ANO4: variants seen among roughly 807,000 people sequenced by gnomAD.
ANO4 encodes anoctamin-4.
A neutral mutation model predicts 141.9 loss-of-function variants in ANO4; 69 were observed. The observed-to-expected ratio is 0.49, with a 90% CI of 0.40 to 0.59. ANO4 has a LOEUF of 0.59. Ranked by LOEUF, ANO4 falls within the 20% of genes least tolerant of loss-of-function variation. The probability of loss-of-function intolerance (pLI) is 0.00; values close to 1 mark genes in which losing one functional copy is unlikely to be tolerated. For synonymous variants in ANO4, 350 were observed against 394.3 expected, an observed-to-expected ratio of 0.89 and a Z score of 1.33; for missense variants, 894 against 1,162.2, an observed-to-expected ratio of 0.77 and a Z score of 3.36.
chr12:100,770,175 C>A (rs1285371636), intron 3 of ANO4, among the ~76,000 whole-genome samples: 1 of 152,186 alleles, frequency 6.6e-6, no homozygotes, highest in Admixed American at 6.5e-5. Context: ...ATGTTTTAGC[C>A]AGTGTCAGTG....
At chr12:100,843,128 ACAC>A (rs1351023090) in intron 1 of ANO4, among the ~76,000 whole-genome samples, 2 of 152,230 alleles carry the variant, frequency 1.3e-5, no homozygotes, top group African/African-American at 4.8e-5. Context: ...TTCAAGTCCA[ACAC>A]CACCGCTTAC....
At chr12:100,778,044 C>T (rs1029330679) in intron 3 of ANO4, among the ~76,000 whole-genome samples, 8 of 151,710 alleles carry the variant, frequency 5.3e-5, no homozygotes, top group African/African-American at 1.5e-4. Context: ...CTCAGCCTCC[C>T]GAGTAGCTGG....
intron 17 of ANO4, among the ~76,000 whole-genome samples, chr12:101,091,370 C>A (rs2049766813): frequency 6.6e-6 from 1 of 152,150 alleles, no homozygotes; most frequent in African/African-American, 2.4e-5. Context: ...GATGTCTCAT[C>A]CCCGCACACA....
chr12:100,765,492 C>G (rs1163753120), intron 3 of ANO4, among the ~76,000 whole-genome samples: 1 of 151,116 alleles, frequency 6.6e-6, no homozygotes, highest in African/African-American at 2.4e-5. Flanking sequence ...AATCCTCCCA[C>G]TGCAGCCTCC....
intron 2 of ANO4, among the ~76,000 whole-genome samples, chr12:100,905,097 G>A (rs1423851712): frequency 2.0e-5 from 3 of 152,132 alleles, no homozygotes; most frequent in African/African-American, 4.8e-5. Flanking sequence ...GCAAAGGTGG[G>A]GCTGAGTTCA....
intron 3 of ANO4, among the ~76,000 whole-genome samples, chr12:100,746,438 G>T (rs1378951457): frequency 9.5e-6 from 1 of 105,198 alleles, no homozygotes. Flanking sequence ...GAGCAACAAA[G>T]TGAGACTCTG....
chr12:100,756,155 C>G (rs1486707070), intron 3 of ANO4, among the ~76,000 whole-genome samples: 2 of 151,898 alleles, frequency 1.3e-5, no homozygotes, highest in Non-Finnish European at 2.9e-5. Flanking sequence ...TTATATTATC[C>G]ATCTATACTG....
intron 3 of ANO4, among the ~76,000 whole-genome samples, chr12:100,747,948 G>A (rs568427559): frequency 7.2e-5 from 11 of 152,278 alleles, no homozygotes; most frequent in African/African-American, 2.6e-4. Context: ...TCCTCATCAG[G>A]AAAGGAGTTG....
At chr12:100,981,836 T>C (rs2044477681) in intron 7 of ANO4, among the ~76,000 whole-genome samples, 1 of 152,150 alleles carries the variant, frequency 6.6e-6, no homozygotes, top group Non-Finnish European at 1.5e-5. Context: ...GCAAGATCCT[T>C]TGCACATATG....
chr12:100,797,979 T>C (rs953185454), intron 1 of ANO4, among the ~76,000 whole-genome samples: 3 of 152,228 alleles, frequency 2.0e-5, no homozygotes, highest in Non-Finnish European at 4.4e-5. Flanking sequence ...AGTATAAATA[T>C]AACCTCATAC....
At chr12:101,115,223 A>C (rs966976534) in intron 24 of ANO4, among the ~76,000 whole-genome samples, 2 of 152,210 alleles carry the variant, frequency 1.3e-5, no homozygotes, top group African/African-American at 4.8e-5. Context: ...AGATCTTATC[A>C]CATGCTATAC....
chr12:100,740,048 A>G (rs1174244512), exon 3 of ANO4: 1 of 702,366 alleles, frequency 1.4e-6, no homozygotes. Context: ...ACTGTCTATC[A>G]CTCCAGTGCC....
intron 8 of ANO4, among the ~76,000 whole-genome samples, chr12:101,004,893 A>C (rs546256760): frequency 1.6e-4 from 25 of 152,314 alleles, no homozygotes; most frequent in Non-Finnish European, 3.2e-4. Flanking sequence ...TGGAGGGCCA[A>C]AAAAGAGCAA....
intron 25 of ANO4, among the ~76,000 whole-genome samples, chr12:101,118,302 A>G (rs2050938907): frequency 6.6e-6 from 1 of 152,230 alleles, no homozygotes. Flanking sequence ...TTCCTGGCTC[A>G]TAATTCTTCC....
chr12:101,110,693 T>C (rs2050629546), intron 23 of ANO4, 137 bp downstream of exon 23: 1 of 742,916 alleles, frequency 1.3e-6, no homozygotes, highest in African/African-American at 1.8e-5. Context: ...AGAATAATTA[T>C]ATTAGTTTTA....
At chr12:101,046,496 C>T (rs2047636515) in intron 13 of ANO4, among the ~76,000 whole-genome samples, 1 of 152,230 alleles carries the variant, frequency 6.6e-6, no homozygotes, top group Non-Finnish European at 1.5e-5. Context: ...TCTCCCCACA[C>T]ACCACCACCA....
chr12:100,994,259 T>A (rs957427600), intron 8 of ANO4, among the ~76,000 whole-genome samples: 4 of 152,186 alleles, frequency 2.6e-5, no homozygotes, highest in Non-Finnish European at 4.4e-5. Flanking sequence ...TAAACTCTAT[T>A]TGAATCTAAT....
chr12:100,735,327 CAA>C, intron 2 of ANO4, among the ~76,000 whole-genome samples: 1 of 152,084 alleles, frequency 6.6e-6, no homozygotes, highest in East Asian at 1.9e-4. Context: ...AAATGAGAAA[CAA>C]AGATAGTTTA....
Position 100,891,846 on chromosome 12 carries a change from A to G in ANO4, c.-140-9800A>G, listed in dbSNP as rs150178320. The stretch of plus-strand genomic sequence containing the variant: ...GTATACCCACTATTTTGTATAATAG[A>G]TCCCCAGAACTTATTTCTCCTGTCT... On this transcript the variant is annotated intron_variant, in intron 1 of 27. Transcript: ENST00000392977. 5.0e-3 allele frequency among the ~76,000 whole-genome samples: 766 copies of G among 152,276 alleles called. 9 individuals carry two copies. The highest frequency in any genetic ancestry group is 0.018 in the African/African-American group (735 of 41,552).
Sources: gnomAD v4.1 joint callset for allele counts (sites outside exome capture counted in the v4.1 genomes callset) on GRCh38, gnomAD v4.1.1 for gene constraint, MANE v1.5 for transcripts, NCBI Gene and HGNC (gene_info 2026-07-23, HGNC 2026-07-21) for gene names.